EBF1: variants seen among roughly 807,000 people sequenced by gnomAD.
EBF1 encodes transcription factor COE1.
EBF1 carries 10 observed loss-of-function variants against 68.4 expected under a neutral mutation model. That is an observed-to-expected ratio of 0.15 (90% CI 0.09 to 0.25). The LOEUF (loss-of-function observed/expected upper bound fraction) is 0.25. Among genes scored for constraint, EBF1 ranks in the 10% least tolerant of loss-of-function variants. The pLI is 1.00. For synonymous variants in EBF1, 298 were observed against 299.8 expected, an observed-to-expected ratio of 0.99 and a Z score of 0.06; for missense variants, 509 against 794.4, an observed-to-expected ratio of 0.64 and a Z score of 4.32.
chr5:159,081,136 C>T (rs1405656593), intron 5 of EBF1, among the ~76,000 whole-genome samples: 1 of 151,948 alleles, frequency 6.6e-6, no homozygotes, highest in East Asian at 1.9e-4. Context: ...ATGCACCATG[C>T]CTGGCTAATT....
At chr5:158,954,838 T>G (rs1816739691) in intron 6 of EBF1, among the ~76,000 whole-genome samples, 1 of 152,236 alleles carries the variant, frequency 6.6e-6, no homozygotes. Context: ...AAGGCACTAA[T>G]GCTTCATGTG....
chr5:158,750,891 T>C (rs1768705265), intron 10 of EBF1, among the ~76,000 whole-genome samples: 1 of 152,104 alleles, frequency 6.6e-6, no homozygotes, highest in Non-Finnish European at 1.5e-5. Context: ...TGTATCATTA[T>C]ACGAGTATAA....
chr5:158,985,242 A>G (rs916776903), intron 6 of EBF1, among the ~76,000 whole-genome samples: 6 of 152,246 alleles, frequency 3.9e-5, no homozygotes, highest in Admixed American at 6.5e-5. Flanking sequence ...AAAACTGGCA[A>G]CCTGGATTTC....
At chr5:158,819,468 G>T (rs1000976973) in intron 8 of EBF1, among the ~76,000 whole-genome samples, 2 of 152,240 alleles carry the variant, frequency 1.3e-5, no homozygotes, top group African/African-American at 4.8e-5. Context: ...CAGAGAAACT[G>T]ATGCCACAGT....
chr5:158,749,693 C>T (rs543730228), intron 10 of EBF1, among the ~76,000 whole-genome samples: 9 of 152,088 alleles, frequency 5.9e-5, no homozygotes, highest in African/African-American at 9.6e-5. Flanking sequence ...TTGTATTACA[C>T]GAGGGAGGTG....
chr5:158,770,391 G>T (rs1005991583), intron 10 of EBF1, among the ~76,000 whole-genome samples: 1 of 152,150 alleles, frequency 6.6e-6, no homozygotes, highest in Non-Finnish European at 1.5e-5. Context: ...GATACATTCT[G>T]GTCTCCTATG....
Position 158,814,040 on chromosome 5 carries a change from CA to C in EBF1, c.778+9135del, listed in dbSNP as rs553680435. Among the ~76,000 whole-genome samples, 753 of 151,862 alleles carry C rather than the reference CA, an allele frequency of 5.0e-3. 6 individuals are homozygous for C. The highest frequency in any genetic ancestry group is 0.017 in the African/African-American group (686 of 41,422). On this transcript the variant is annotated intron_variant, in intron 8 of 15. Coordinates refer to ENST00000313708, the MANE Select transcript of EBF1 (RefSeq NM_024007.5). ...GATGCTTTTGTAACCAAATATAAGA[CA>C]AAAAAAATTAGGCTTAAAAAAGTTC... is the stretch of plus-strand genomic sequence containing the variant.
chr5:159,066,323 A>G (rs943813600), intron 6 of EBF1, among the ~76,000 whole-genome samples: 3 of 152,314 alleles, frequency 2.0e-5, no homozygotes, highest in Admixed American at 6.5e-5. Flanking sequence ...GGATCAATCT[A>G]TATAATTTGC....
chr5:159,000,459 AT>A (rs145710093), intron 6 of EBF1, among the ~76,000 whole-genome samples: 8,553 of 152,182 alleles, frequency 0.056, 451 homozygotes, highest in African/African-American at 0.14. Context: ...TTTTGTTTTG[AT>A]TTTTCCATAG....
intron 6 of EBF1, among the ~76,000 whole-genome samples, chr5:158,913,526 G>A (rs1412781982): frequency 6.6e-6 from 1 of 152,290 alleles, no homozygotes; most frequent in East Asian, 1.9e-4. Context: ...ACCCCAAAAA[G>A]GAGAAAGCTG....
chr5:158,742,381 G>C (rs1230083165), intron 10 of EBF1, among the ~76,000 whole-genome samples: 1 of 152,164 alleles, frequency 6.6e-6, no homozygotes, highest in African/African-American at 2.4e-5. Flanking sequence ...TTTTGGAAAA[G>C]TCACTTACAT....
At chr5:158,977,672 G>T (rs141960864) in intron 6 of EBF1, among the ~76,000 whole-genome samples, 1 of 152,148 alleles carries the variant, frequency 6.6e-6, no homozygotes, top group African/African-American at 2.4e-5. Context: ...TGTCATGTGC[G>T]TTTCCACAGC....
intron 6 of EBF1, among the ~76,000 whole-genome samples, chr5:158,844,188 C>CT (rs10640628): frequency 0.071 from 8,977 of 126,288 alleles, 408 homozygotes; most frequent in African/African-American, 0.085. Context: ...TAACTCAAGC[C>CT]TTTTTTTTTT....
At chr5:158,796,242 G>C (rs898193386) in intron 9 of EBF1, 103 bp downstream of exon 9, 2 of 1,254,556 alleles carry the variant, frequency 1.6e-6, no homozygotes, top group Non-Finnish European at 2.0e-6. Context: ...GGCCCACCCA[G>C]AGCGGCACCA....
intron 6 of EBF1, among the ~76,000 whole-genome samples, chr5:158,981,935 T>C (rs1046213325): frequency 2.6e-5 from 4 of 152,212 alleles, no homozygotes; most frequent in African/African-American, 9.6e-5. Context: ...ATCATTAACA[T>C]ACAGATCTGA....
chr5:158,836,100 G>A lies in EBF1; in HGVS notation c.636+3929C>T, dbSNP rs561524646. ...CCAAGACAGAGAACCTAAGAAGCTT[G>A]GGGTGGAGGCAAAACGAACAAACAG... On this transcript the variant is annotated intron_variant, in intron 7 of 15. Transcript: ENST00000313708. Among the ~76,000 whole-genome samples the A allele has an allele frequency of 7.7e-4, 117 of 152,306 alleles. 1 individual carries two copies. Among genetic ancestry groups the A allele is most frequent in the South Asian group, 3.5e-3 (17 of 4,824 alleles).
At chr5:158,704,318 CTGGGGAAG>C (rs1757396791) in intron 15 of EBF1, among the ~76,000 whole-genome samples, 1 of 152,134 alleles carries the variant, frequency 6.6e-6, no homozygotes, top group Non-Finnish European at 1.5e-5. Flanking sequence ...GGGAGTGCTG[CTGGGGAAG>C]AGGTCTTTTA....
intron 6 of EBF1, among the ~76,000 whole-genome samples, chr5:158,899,406 G>A (rs1037217218): frequency 6.6e-6 from 1 of 152,224 alleles, no homozygotes; most frequent in Non-Finnish European, 1.5e-5. Context: ...CGAATGGTGG[G>A]AATCACAGGA....
intron 6 of EBF1, among the ~76,000 whole-genome samples, chr5:159,060,106 A>G (rs1775515128): frequency 6.6e-6 from 1 of 152,230 alleles, no homozygotes; most frequent in African/African-American, 2.4e-5. Flanking sequence ...TGAACTAGAG[A>G]CATTATACAA....
Sources: gnomAD v4.1 joint callset for allele counts (sites outside exome capture counted in the v4.1 genomes callset) on GRCh38, gnomAD v4.1.1 for gene constraint, MANE v1.5 for transcripts, NCBI Gene and HGNC (gene_info 2026-07-23, HGNC 2026-07-21) for gene names.